Variants in CD79A observed in about 807,000 individuals in gnomAD.
CD79A encodes the protein CD79a molecule.
CD79A carries 16 observed loss-of-function variants against 27.4 expected under a neutral mutation model. The ratio of observed to expected loss-of-function variants is 0.58; its 90% confidence interval spans 0.40 to 0.89. CD79A has a LOEUF of 0.89. Among genes scored for constraint, CD79A ranks in the 40% least tolerant of loss-of-function variants. CD79A has a pLI of 0.00. For missense variants in CD79A, 237 were observed against 299.7 expected (o/e 0.79, Z 1.55); for synonymous variants, 110 against 132.7 (o/e 0.83, Z 1.18).
Position 41,878,247 on chromosome 19 carries a change from A to T in CD79A, c.80-743A>T, listed in dbSNP as rs112580282. 0.025 allele frequency among the ~76,000 whole-genome samples: 3,732 copies of T among 152,246 alleles called. 83 individuals are homozygous for T. Among genetic ancestry groups the T allele is most frequent in the Middle Eastern group, 0.048 (14 of 294 alleles). On this transcript the variant is annotated intron_variant, in intron 1 of 4. Coordinates refer to ENST00000221972, the MANE Select transcript of CD79A (RefSeq NM_001783.4). This position sits in a 1 kb window ranked among gnomAD's most constrained non-coding sequence, Gnocchi z 4.3. ...ACCCCTGACCCCTAGGTTGACACAT[A>T]CAACTTACAGAGAATGAGGGCCAGG...
In CD79A at chr19:41,878,893, C is replaced by G. The variant is rs1600630915; in HGVS notation, c.80-97C>G. On this transcript the variant is annotated intron_variant, in intron 1 of 4. Transcript: ENST00000221972. The surrounding 1 kb of genome is among the most constrained non-coding windows in gnomAD (Gnocchi z 4.3). ...CTCCCTCCCCACCCAGGAGAGTCCT[C>G]ACCCTCTTCCCAGGAGTGCTGGAAC... The G allele has an allele frequency of 7.1e-6, 7 of 989,904 alleles. No individual in the cohort carries two copies. In the East Asian group the frequency reaches 1.8e-4, roughly 26 times the overall value. 61.3% of individuals were successfully genotyped at this position (989,904 alleles called of 1,614,324 possible). A position where few individuals can be genotyped will look rare whatever the true frequency, so the allele number is the denominator to read the frequency against.
rs1555844072 is a variant in CD79A at position 41,880,687 on chromosome 19, G to A, written c.516G>A (p.Glu172=). Residue 172 remains glutamate, a synonymous_variant, in exon 4 of 5, where the codon GAG becomes GAA. Transcript: ENST00000221972. ...LLLFRKRWQN[E]KLGLDAGDEY... Reference sequence around the variant, plus strand: ...CCCTACAGAAACGATGGCAGAACGAGAAGCTCGGGTTGGATGCCGGGGATG... The same window carrying A: ...CCCTACAGAAACGATGGCAGAACGAAAAGCTCGGGTTGGATGCCGGGGATG... 3 of 1,268,924 alleles carry A rather than the reference G, an allele frequency of 2.4e-6. No individual in the cohort carries two copies. In the South Asian group the frequency reaches 3.7e-5, roughly 16 times the overall value. 78.6% of individuals were successfully genotyped at this position (1,268,924 alleles called of 1,614,324 possible).
Position 41,877,391 on chromosome 19 carries a change from G to C in CD79A, c.79+8G>C. 6.2e-7 allele frequency: 1 copy of C among 1,612,874 alleles called. No homozygotes were observed. The highest frequency in any genetic ancestry group is 8.5e-7 in the Non-Finnish European group (1 of 1,178,812). On this transcript the variant is annotated splice_region_variant and intron_variant, in intron 1 of 4. Transcript: ENST00000221972. The surrounding 1 kb of genome is among the most constrained non-coding windows in gnomAD (Gnocchi z 4.1). Reference sequence around the variant, plus strand: ...TGTCTGCTGTCTACCTGGGTATGTGGCCAAAGGGCAGGAACTGGCGGGAGG... The same window carrying C: ...TGTCTGCTGTCTACCTGGGTATGTGCCCAAAGGGCAGGAACTGGCGGGAGG...
Position 41,879,163 on chromosome 19 carries a change from G to A in CD79A, c.253G>A (p.Glu85Lys), listed in dbSNP as rs781949432. 34 of 1,613,930 alleles carry A rather than the reference G, an allele frequency of 2.1e-5. No homozygotes were observed. The highest frequency in any genetic ancestry group is 1.2e-4 in the Admixed American group (7 of 60,002). The change falls in exon 2 of 5, where the codon GAG becomes AAG. Residue 85 changes from glutamate to lysine, a missense_variant. Glu to Lys is a moderately conservative substitution (Grantham distance 56). Coordinates refer to ENST00000221972, the MANE Select transcript of CD79A (RefSeq NM_001783.4). This position sits in a 1 kb window ranked among gnomAD's most constrained non-coding sequence, Gnocchi z 5.1. ...TWPPEFLGPG[E>K]DPNGTLIIQN... Reference sequence around the variant, plus strand: ...GCCCCCTGAGTTCTTGGGCCCGGGCGAGGACCCCAATGGTACGCTGATCAT... The same window carrying A: ...GCCCCCTGAGTTCTTGGGCCCGGGCAAGGACCCCAATGGTACGCTGATCAT...
intron 3 of CD79A, among the ~76,000 whole-genome samples, chr19:41,880,375 AAGAGAGAGAGAGAGAAAGAGAGAG>A (rs1168517411): frequency 2.1e-5 from 3 of 141,884 alleles, no homozygotes; most frequent in African/African-American, 7.8e-5. Flanking sequence ...AGGGAGAAGA[AAGAGAGAGAGAGAGAAAGAGAGAG>A]AGAGAGAGAG....
In CD79A at chr19:41,878,976, C is replaced by A; in HGVS notation, c.80-14C>A. ...ATCCCCAGTCCCTGACCCACCCACCCTGTCTCTCCACAGGCCCTGGGTGCC... is the reference window on the plus strand; with the variant it reads ...ATCCCCAGTCCCTGACCCACCCACCATGTCTCTCCACAGGCCCTGGGTGCC... On this transcript the variant is annotated splice_polypyrimidine_tract_variant and intron_variant, in intron 1 of 4. Transcript: ENST00000221972. The surrounding 1 kb of genome is among the most constrained non-coding windows in gnomAD (Gnocchi z 4.3). The A allele has an allele frequency of 1.9e-6, 3 of 1,579,532 alleles. No homozygotes were observed. The highest frequency in any genetic ancestry group is 1.1e-5 in the South Asian group (1 of 90,368).
chr19:41,877,940 T>C lies in CD79A; in HGVS notation c.79+557T>C, dbSNP rs960465894. ...CCCAAGGGGACACTGGGAGCAAGGA[T>C]TGGAGTTCACGTCTGAGTCTTAAGC... On this transcript the variant is annotated intron_variant, in intron 1 of 4. Transcript: ENST00000221972. The surrounding 1 kb of genome is among the most constrained non-coding windows in gnomAD (Gnocchi z 4.1). Among the ~76,000 whole-genome samples, 4 of 152,096 alleles carry C rather than the reference T, an allele frequency of 2.6e-5. No homozygotes were observed. Among genetic ancestry groups the C allele is most frequent in the Non-Finnish European group, 4.4e-5 (3 of 68,000 alleles).
chr19:41,879,556 TG>T lies in CD79A; in HGVS notation c.403del (p.Asp135ThrfsTer57), dbSNP rs782128528. The T allele has an allele frequency of 1.4e-5, 22 of 1,610,044 alleles. No homozygotes were observed. The highest frequency in any genetic ancestry group is 1.9e-5 in the Non-Finnish European group (22 of 1,178,148). On this transcript the variant is annotated frameshift_variant, in exon 3 of 5. Transcript: ENST00000221972. LOFTEE classifies it high-confidence loss of function. This position sits in a 1 kb window ranked among gnomAD's most constrained non-coding sequence, Gnocchi z 5.1. ...GCAGAGCCGCCCCCCAGGCCCTTCCTGGACATGGGGGAGGGCACCAAGAACC... is the reference window on the plus strand; with the variant it reads ...GCAGAGCCGCCCCCCAGGCCCTTCCTGACATGGGGGAGGGCACCAAGAACC... ...RVRQPPPRPF[L>X]DMGEGTKNRI...
intron 3 of CD79A, among the ~76,000 whole-genome samples, 165 bp from the exon 4 acceptor site, chr19:41,880,494 AAGGAAGGAAGG>A (rs2074216909): frequency 1.3e-5 from 2 of 150,266 alleles, no homozygotes; most frequent in African/African-American, 2.5e-5. Flanking sequence ...GGAAGGAAGG[AAGGAAGGAAGG>A]AGAACACTGG....
In CD79A at chr19:41,881,137, G is replaced by C. The variant is rs1287018795; in HGVS notation, c.*157G>C. ...GGAGGGTAACCTCACTCTTCTCCAGGCCAGGCCTCCTTGGACTCCCCTGGG... is the reference window on the plus strand; with the variant it reads ...GGAGGGTAACCTCACTCTTCTCCAGCCCAGGCCTCCTTGGACTCCCCTGGG... On this transcript the variant is annotated 3_prime_UTR_variant, in exon 5 of 5. Coordinates refer to ENST00000221972, the MANE Select transcript of CD79A (RefSeq NM_001783.4). 1.5e-6 allele frequency: 1 copy of C among 686,222 alleles called. No homozygotes were observed. Among genetic ancestry groups the C allele is most frequent in the African/African-American group, 1.8e-5 (1 of 56,872 alleles). The allele number at this position is 686,222 out of a possible 1,614,324, so 42.5% of individuals were successfully genotyped here.
Position 41,881,227 on chromosome 19 carries a change from C to A in CD79A, c.*247C>A. The A allele has an allele frequency of 3.4e-6, 2 of 580,036 alleles. No homozygotes were observed. The highest frequency in any genetic ancestry group is 6.2e-6 in the Non-Finnish European group (2 of 322,080). 35.9% of individuals were successfully genotyped at this position (580,036 alleles called of 1,614,324 possible). Reference sequence around the variant, plus strand: ...TAACCTAATCCCCCCGCCCCGCTGCCTTTCCCAGGCTCCCCTCACCCCAGC... The same window carrying A: ...TAACCTAATCCCCCCGCCCCGCTGCATTTCCCAGGCTCCCCTCACCCCAGC... On this transcript the variant is annotated 3_prime_UTR_variant, in exon 5 of 5. Transcript: ENST00000221972.
chr19:41,878,825 C>T lies in CD79A; in HGVS notation c.80-165C>T, dbSNP rs1425333156. ...GGGCTTCTTCACTTTCCCGCATCCC[C>T]CCTCTCCCCAGGATGTATCAGCCCC... On this transcript the variant is annotated intron_variant, in intron 1 of 4. Coordinates refer to ENST00000221972, the MANE Select transcript of CD79A (RefSeq NM_001783.4). The surrounding 1 kb of genome is among the most constrained non-coding windows in gnomAD (Gnocchi z 4.3). Among the ~76,000 whole-genome samples the T allele has an allele frequency of 6.6e-6, 1 of 152,102 alleles. No homozygotes were observed. Among genetic ancestry groups the T allele is most frequent in the Non-Finnish European group, 1.5e-5 (1 of 68,008 alleles).
chr19:41,880,937 TG>T lies in CD79A; in HGVS notation c.641del (p.Gly214AlafsTer5), dbSNP rs1555844146. 1 of 1,599,016 alleles carries T rather than the reference TG, an allele frequency of 6.3e-7. No individual in the cohort carries two copies. The highest frequency in any genetic ancestry group is 2.3e-5 in the East Asian group (1 of 44,388). On this transcript the variant is annotated frameshift_variant, in exon 5 of 5. Transcript: ENST00000221972. LOFTEE classifies it high-confidence loss of function. ...GGCCTCCAGGGCACCTACCAGGATG[TG>T]GGCAGCCTCAACATAGGAGATGTCC... ...SRGLQGTYQD[V>X]GSLNIGDVQL...
rs937994392 is a variant in CD79A at position 41,880,768 on chromosome 19, C to A, written c.567+30C>A. 5.2e-6 allele frequency: 7 copies of A among 1,350,834 alleles called. No individual in the cohort carries two copies. The African/African-American group carries it at 7.5e-5, about 14-fold the overall frequency. The allele number at this position is 1,350,834 out of a possible 1,614,324, so 83.7% of individuals were successfully genotyped here. A position where few individuals can be genotyped will look rare whatever the true frequency, so the allele number is the denominator to read the frequency against. ...GTGAAGGGTGGGGATGGGGTAGGGGCAGTTGTGTTAGGGGTGGGGGTGTTC... is the reference window on the plus strand; with the variant it reads ...GTGAAGGGTGGGGATGGGGTAGGGGAAGTTGTGTTAGGGGTGGGGGTGTTC... On this transcript the variant is annotated intron_variant, in intron 4 of 4. Transcript: ENST00000221972.
rs1352917039 is a variant in CD79A at position 41,877,888 on chromosome 19, C to T, written c.79+505C>T. Among the ~76,000 whole-genome samples the T allele has an allele frequency of 6.6e-6, 1 of 152,176 alleles. No homozygotes were observed. Among genetic ancestry groups the T allele is most frequent in the African/African-American group, 2.4e-5 (1 of 41,422 alleles). ...GGCAGGGGCTGTGGCCACGCTAACC[C>T]AGGAGTTCAGAGAAAAAGGTTCCCC... On this transcript the variant is annotated intron_variant, in intron 1 of 4. Transcript: ENST00000221972. This position sits in a 1 kb window ranked among gnomAD's most constrained non-coding sequence, Gnocchi z 4.1.
In CD79A at chr19:41,879,153, G is replaced by A; in HGVS notation, c.243G>A (p.Leu81=). 1 of 1,614,084 alleles carries A rather than the reference G, an allele frequency of 6.2e-7. No homozygotes were observed. Among genetic ancestry groups the A allele is most frequent in the Admixed American group, 1.7e-5 (1 of 60,026 alleles). ...ACTACACGTGGCCCCCTGAGTTCTT[G>A]GGCCCGGGCGAGGACCCCAATGGTA... ...HGNYTWPPEF[L]GPGEDPNGTL... is the part of the protein sequence containing the mutation. Residue 81 remains leucine (L), a synonymous_variant, in exon 2 of 5, where the codon TTG becomes TTA. Transcript: ENST00000221972. The surrounding 1 kb of genome is among the most constrained non-coding windows in gnomAD (Gnocchi z 5.1).
chr19:41,877,415 G>A lies in CD79A; in HGVS notation c.79+32G>A, dbSNP rs2074195030. On this transcript the variant is annotated intron_variant, in intron 1 of 4. Transcript: ENST00000221972. The surrounding 1 kb of genome is among the most constrained non-coding windows in gnomAD (Gnocchi z 4.1). ...GGCCAAAGGGCAGGAACTGGCGGGAGGTGGGGGAAGCTGTGGAGGCTGCAG... is the reference window on the plus strand; with the variant it reads ...GGCCAAAGGGCAGGAACTGGCGGGAAGTGGGGGAAGCTGTGGAGGCTGCAG... The A allele has an allele frequency of 1.3e-6, 2 of 1,580,082 alleles. No homozygotes were observed. Among genetic ancestry groups the A allele is most frequent in the Non-Finnish European group, 1.7e-6 (2 of 1,149,030 alleles).
intron 3 of CD79A, among the ~76,000 whole-genome samples, chr19:41,880,083 T>C (rs949391233): frequency 1.3e-5 from 2 of 152,088 alleles, no homozygotes; most frequent in Non-Finnish European, 2.9e-5. Flanking sequence ...ATTGTTATTA[T>C]TCATGGAGAA....
chr19:41,880,753 G>A lies in CD79A; in HGVS notation c.567+15G>A. On this transcript the variant is annotated intron_variant, in intron 4 of 4. Coordinates refer to ENST00000221972, the MANE Select transcript of CD79A (RefSeq NM_001783.4). Reference sequence around the variant, plus strand: ...ACCTTTATGAAGTGAGTGAAGGGTGGGGATGGGGTAGGGGCAGTTGTGTTA... The same window carrying A: ...ACCTTTATGAAGTGAGTGAAGGGTGAGGATGGGGTAGGGGCAGTTGTGTTA... The A allele has an allele frequency of 5.8e-6, 9 of 1,546,114 alleles. No individual in the cohort carries two copies. The highest frequency in any genetic ancestry group is 7.9e-6 in the Non-Finnish European group (9 of 1,142,020).
Sources: gnomAD v4.1 joint callset for allele counts (sites outside exome capture counted in the v4.1 genomes callset) on GRCh38, gnomAD v4.1.1 for gene constraint, Gnocchi (gnomAD v3.1) non-coding constraint, MANE v1.5 for transcripts, NCBI Gene and HGNC (gene_info 2026-07-23, HGNC 2026-07-21) for gene names.